Variants in RABEP1 observed in about 807,000 individuals in gnomAD.
RABEP1 encodes the protein rab GTPase-binding effector protein 1.
In RABEP1, 51 loss-of-function variants were observed where a neutral mutation model predicts 123.4. The ratio of observed to expected loss-of-function variants is 0.41; its 90% CI spans 0.33 to 0.52. RABEP1 has a LOEUF of 0.52. Ranked by LOEUF, RABEP1 falls within the 20% of genes least tolerant of loss-of-function variation. The pLI, the probability that RABEP1 is intolerant of heterozygous loss-of-function variation, is 0.16. For missense variants in RABEP1, 888 were observed against 996.3 expected, an observed-to-expected ratio of 0.89 and a Z score of 1.46; for synonymous variants, 347 against 355.2, an observed-to-expected ratio of 0.98 and a Z score of 0.26.
chr17:5,285,538 C>G (rs1057112600), intron 1 of RABEP1, among the ~76,000 whole-genome samples: 7 of 152,332 alleles, frequency 4.6e-5, no homozygotes, highest in Middle Eastern at 3.4e-3. Flanking sequence ...ACATGCTTTA[C>G]ATACATAAGT....
At chr17:5,340,318 G>A (rs1227409354) in intron 5 of RABEP1, among the ~76,000 whole-genome samples, 10 of 152,112 alleles carry the variant, frequency 6.6e-5, no homozygotes, top group Admixed American at 5.9e-4. Flanking sequence ...TGTGAAATGG[G>A]GATAATAAGC....
intron 1 of RABEP1, among the ~76,000 whole-genome samples, chr17:5,300,996 T>G (rs2075131059): frequency 6.6e-6 from 1 of 152,178 alleles, no homozygotes; most frequent in South Asian, 2.1e-4. Context: ...TCTCACAAGT[T>G]TCCAGGTGAT....
chr17:5,350,768 A>G (rs925827215), intron 7 of RABEP1, 139 bp downstream of exon 7: 76 of 928,690 alleles, frequency 8.2e-5, no homozygotes, highest in Non-Finnish European at 1.0e-4. Context: ...TTTTAAAAAC[A>G]TAACAGCTAC....
At chr17:5,352,869 A>G (rs576321274) in intron 7 of RABEP1, among the ~76,000 whole-genome samples, 2 of 152,276 alleles carry the variant, frequency 1.3e-5, no homozygotes, top group African/African-American at 4.8e-5. Flanking sequence ...AAACTTTACT[A>G]AGATGATCAT....
intron 1 of RABEP1, chr17:5,283,938 T>C (rs2074953008): frequency 6.6e-6 from 1 of 152,212 alleles, no homozygotes; most frequent in African/African-American, 2.4e-5. Context: ...AACTGGGATG[T>C]CTTCAGGCTG....
At chr17:5,293,633 C>G (rs1384625871) in intron 1 of RABEP1, among the ~76,000 whole-genome samples, 1 of 152,130 alleles carries the variant, frequency 6.6e-6, no homozygotes. Context: ...TCTCAAACTC[C>G]TGGGCTCAAG....
At chr17:5,342,606 A>T (rs1027958864) in intron 5 of RABEP1, among the ~76,000 whole-genome samples, 10 of 152,146 alleles carry the variant, frequency 6.6e-5, no homozygotes, top group African/African-American at 1.9e-4. Context: ...ACTCTGTCTC[A>T]CACACACACA....
chr17:5,379,905 C>T (rs1180202149), intron 15 of RABEP1, among the ~76,000 whole-genome samples: 1 of 152,200 alleles, frequency 6.6e-6, no homozygotes, highest in Non-Finnish European at 1.5e-5. Flanking sequence ...TGGCTCCCAA[C>T]GTGCTGTGCT....
chr17:5,292,297 G>A (rs1482213357), intron 1 of RABEP1, among the ~76,000 whole-genome samples: 2 of 151,688 alleles, frequency 1.3e-5, no homozygotes, highest in African/African-American at 4.8e-5. Context: ...TCCTTTTTTT[G>A]TTTTTGATTT....
In RABEP1 at chr17:5,386,151, T is replaced by C. The variant is rs1911945129; in HGVS notation, c.*2928T>C. 29 of 1,308,978 alleles carry C rather than the reference T, an allele frequency of 2.2e-5. No individual in the cohort carries two copies. In the South Asian group the frequency reaches 3.4e-4, roughly 16 times the overall value. 81.1% of individuals were successfully genotyped at this position (1,308,978 alleles called of 1,614,324 possible). ...AGATAATTCTACCTGTTTTACAATATGGGTTTAAGCCTTCAATGGTGTTCA... is the reference window on the plus strand; with the variant it reads ...AGATAATTCTACCTGTTTTACAATACGGGTTTAAGCCTTCAATGGTGTTCA... On this transcript the variant is annotated 3_prime_UTR_variant, in exon 18 of 18. Transcript: ENST00000537505.
intron 1 of RABEP1, among the ~76,000 whole-genome samples, chr17:5,297,967 C>G (rs1204013512): frequency 6.6e-6 from 1 of 152,218 alleles, no homozygotes; most frequent in Non-Finnish European, 1.5e-5. Context: ...AGCGTTCTTT[C>G]CTTAAGACTT....
At chr17:5,338,628 A>T (rs1215733887) in intron 5 of RABEP1, among the ~76,000 whole-genome samples, 4 of 152,182 alleles carry the variant, frequency 2.6e-5, no homozygotes, top group Non-Finnish European at 5.9e-5. Context: ...GCTCTTATGG[A>T]CATTTAAAAT....
At chr17:5,306,363 C>T (rs1201449021) in intron 1 of RABEP1, among the ~76,000 whole-genome samples, 1 of 152,184 alleles carries the variant, frequency 6.6e-6, no homozygotes, top group East Asian at 1.9e-4. Context: ...CACGGTGGCT[C>T]ATGCCTGTGA....
chr17:5,338,029 A>T lies in RABEP1; in HGVS notation c.539A>T (p.Asp180Val). The T allele has an allele frequency of 6.2e-7, 1 of 1,612,970 alleles. No homozygotes were observed. The highest frequency in any genetic ancestry group is 1.3e-5 in the African/African-American group (1 of 75,018). ...TCTTTTTAACCATAGGCCCAAGAGG[A>T]TGCTGAGAAACTTCGGTCCGTTGTG... ...LENEMKKAQE[D>V]AEKLRSVVMP... The change falls in exon 5 of 18, where the codon GAT becomes GTT. Residue 180 changes from aspartate to valine, a missense_variant. Transcript: ENST00000537505.
chr17:5,284,762 G>A (rs1007621117), intron 1 of RABEP1, among the ~76,000 whole-genome samples: 2 of 151,834 alleles, frequency 1.3e-5, no homozygotes, highest in Admixed American at 1.3e-4. Context: ...CCGTGAGTCC[G>A]GCTTTTGGGG....
chr17:5,353,845 G>A (rs373799190), intron 7 of RABEP1, among the ~76,000 whole-genome samples: 13 of 152,210 alleles, frequency 8.5e-5, no homozygotes, highest in South Asian at 2.1e-4. Context: ...TTAGGCGGGC[G>A]TGGTGGCACA....
intron 2 of RABEP1, among the ~76,000 whole-genome samples, chr17:5,327,749 T>C (rs1311838786): frequency 6.6e-6 from 1 of 152,210 alleles, no homozygotes; most frequent in Non-Finnish European, 1.5e-5. Flanking sequence ...ATGTAAACAT[T>C]TAAAAATAGA....
At chr17:5,366,847 T>G (rs1318457358) in intron 11 of RABEP1, among the ~76,000 whole-genome samples, 1 of 151,006 alleles carries the variant, frequency 6.6e-6, no homozygotes, top group Admixed American at 6.6e-5. Flanking sequence ...CCCAGCACTT[T>G]GGGAGGCCGA....
intron 5 of RABEP1, among the ~76,000 whole-genome samples, chr17:5,344,899 G>A (rs1433441865): frequency 1.3e-5 from 2 of 151,740 alleles, no homozygotes; most frequent in African/African-American, 4.8e-5. Flanking sequence ...AGAGGTTGAC[G>A]TTGCAGTAAG....
Sources: gnomAD v4.1 joint callset for allele counts (sites outside exome capture counted in the v4.1 genomes callset) on GRCh38, gnomAD v4.1.1 for gene constraint, MANE v1.5 for transcripts, NCBI Gene and HGNC (gene_info 2026-07-23, HGNC 2026-07-21) for gene names.